The following PCDHGA1 variants were observed in gnomAD, a reference collection of about 807,000 sequenced individuals.
The protein encoded by PCDHGA1 is protocadherin gamma-A1.
In PCDHGA1, 32 loss-of-function variants were observed where a neutral mutation model predicts 58.0. The ratio of observed to expected loss-of-function variants is 0.55; its 90% CI spans 0.42 to 0.74. PCDHGA1 has a LOEUF of 0.74. Among genes scored for constraint, PCDHGA1 ranks in the 30% least tolerant of loss-of-function variants. The pLI is 0.00. For synonymous variants in PCDHGA1, 498 were observed against 501.1 expected, an observed-to-expected ratio of 0.99 and a Z score of 0.08; for missense variants, 1,205 against 1,182.3, an observed-to-expected ratio of 1.02 and a Z score of -0.28.
In PCDHGA1 at chr5:141,395,432, G is replaced by A. The variant is rs963118371; in HGVS notation, c.2421+62327G>A. ...GTTATTGTTTCATTTGCTTTTAAAC[G>A]ACTTGGAAAAGATTGTTCAACCATT... On this transcript the variant is annotated intron_variant, in intron 1 of 3. Coordinates refer to ENST00000517417, the MANE Select transcript of PCDHGA1 (RefSeq NM_018912.3). The A allele has an allele frequency of 8.6e-6, 6 of 701,470 alleles. No homozygotes were observed. In the African/African-American group the frequency reaches 9.1e-5, roughly 11 times the overall value. The allele number at this position is 701,470 out of a possible 1,614,324, so 43.5% of individuals were successfully genotyped here. A position where few individuals can be genotyped will look rare whatever the true frequency, so the allele number is the denominator to read the frequency against.
chr5:141,413,372 G>T lies in PCDHGA1; in HGVS notation c.2421+80267G>T, dbSNP rs760934804. ...CTGGCGCCCCGGGAGCTGGCGGAGCGCGGAGTCCGCATAGTCTCCAGAGGT... is the reference window on the plus strand; with the variant it reads ...CTGGCGCCCCGGGAGCTGGCGGAGCTCGGAGTCCGCATAGTCTCCAGAGGT... On this transcript the variant is annotated intron_variant, in intron 1 of 3. Transcript: ENST00000517417. The T allele has an allele frequency of 1.9e-6, 3 of 1,613,950 alleles. No individual in the cohort carries two copies. The South Asian group carries it at 3.3e-5, about 18-fold the overall frequency.
chr5:141,441,865 G>T, intron 1 of PCDHGA1: 1 of 345,726 alleles, frequency 2.9e-6, no homozygotes. Context: ...GCACGCCGCG[G>T]AGCCTGGCTA....
Position 141,487,650 on chromosome 5 carries a change from G to A in PCDHGA1, c.2422-7157G>A. On this transcript the variant is annotated intron_variant, in intron 1 of 3. Transcript: ENST00000517417. The surrounding 1 kb of genome is among the most constrained non-coding windows in gnomAD (Gnocchi z 5.0). ...TTGCAGGCTCAACAAATGCTTGAGGGTTATTCTGATCCAGGCATATGGCTA... is the reference window on the plus strand; with the variant it reads ...TTGCAGGCTCAACAAATGCTTGAGGATTATTCTGATCCAGGCATATGGCTA... 1 of 1,613,994 alleles carries A rather than the reference G, an allele frequency of 6.2e-7. No individual in the cohort carries two copies. Among genetic ancestry groups the A allele is most frequent in the Non-Finnish European group, 8.5e-7 (1 of 1,179,954 alleles).
At chr5:141,345,020 A>C (rs1047192133) in intron 1 of PCDHGA1, 2 of 1,613,994 alleles carry the variant, frequency 1.2e-6, no homozygotes, top group Admixed American at 3.3e-5. Flanking sequence ...GTCTTCTTTC[A>C]AGAGCCAAGA....
chr5:141,333,091 G>C lies in PCDHGA1; in HGVS notation c.2407G>C (p.Glu803Gln). 6.2e-7 allele frequency: 1 copy of C among 1,614,180 alleles called. No homozygotes were observed. The change falls in exon 1 of 4, where the codon GAA becomes CAA. Residue 803 changes from glutamate (E) to glutamine (Q), a missense_variant. By Grantham distance (29) the Glu-to-Gln change is conservative. Coordinates refer to ENST00000517417, the MANE Select transcript of PCDHGA1 (RefSeq NM_018912.3). ...APQSLLEDKK[E>Q]PFSQQAPPNT... Reference sequence around the variant, plus strand: ...CCAGTCTTTACTTGAAGACAAAAAGGAACCATTTTCTCAGGTAAACTTTTG... The same window carrying C: ...CCAGTCTTTACTTGAAGACAAAAAGCAACCATTTTCTCAGGTAAACTTTTG...
chr5:141,477,245 A>G lies in PCDHGA1; in HGVS notation c.2422-17562A>G. On this transcript the variant is annotated intron_variant, in intron 1 of 3. Transcript: ENST00000517417. The surrounding 1 kb of genome is among the most constrained non-coding windows in gnomAD (Gnocchi z 4.9). ...GACTGTCATCGCTTTGCTCAGTGTG[A>G]CTGACCTGGATGCTGGCGAGAACGG... 3.7e-6 allele frequency: 6 copies of G among 1,614,128 alleles called. No homozygotes were observed. The highest frequency in any genetic ancestry group is 5.1e-6 in the Non-Finnish European group (6 of 1,180,026).
At chr5:141,371,984 C>G (rs761389914) in intron 1 of PCDHGA1, 4 of 1,613,266 alleles carry the variant, frequency 2.5e-6, no homozygotes, top group Non-Finnish European at 2.5e-6. Context: ...CCTTCGAGCT[C>G]ACTCTGCAGG....
In PCDHGA1 at chr5:141,491,492, T is replaced by G. The variant is rs763487622; in HGVS notation, c.2422-3315T>G. On this transcript the variant is annotated intron_variant, in intron 1 of 3. Coordinates refer to ENST00000517417, the MANE Select transcript of PCDHGA1 (RefSeq NM_018912.3). This position sits in a 1 kb window ranked among gnomAD's most constrained non-coding sequence, Gnocchi z 6.9. ...AAGCAGTCCAGCCCCAACCTGCAGG[T>G]GAGCTCGGACGGCACGCTCAAGTAC... 3.1e-6 allele frequency: 5 copies of G among 1,614,024 alleles called. No homozygotes were observed. The highest frequency in any genetic ancestry group is 3.4e-6 in the Non-Finnish European group (4 of 1,180,006).
intron 1 of PCDHGA1, chr5:141,428,413 C>A: frequency 2.2e-6 from 1 of 461,904 alleles, no homozygotes; most frequent in Non-Finnish European, 4.0e-6. Context: ...TTGCTTTCAC[C>A]CTGGTCTCTG....
At chr5:141,394,884 C>T (rs2093119839) in intron 1 of PCDHGA1, 2 of 1,613,902 alleles carry the variant, frequency 1.2e-6, no homozygotes, top group Non-Finnish European at 1.7e-6. Flanking sequence ...GAGCCTTACA[C>T]TCTATCTCGT....
intron 1 of PCDHGA1, among the ~76,000 whole-genome samples, chr5:141,443,592 G>A (rs2098395439): frequency 6.6e-6 from 1 of 152,076 alleles, no homozygotes; most frequent in Admixed American, 6.6e-5. Context: ...AACAGAATGT[G>A]GTATATGAAA....
chr5:141,383,417 G>T lies in PCDHGA1; in HGVS notation c.2421+50312G>T. The T allele has an allele frequency of 1.9e-6, 3 of 1,614,014 alleles. No homozygotes were observed. In the South Asian group the frequency reaches 3.3e-5, roughly 18 times the overall value. On this transcript the variant is annotated intron_variant, in intron 1 of 3. Transcript: ENST00000517417. ...AACTCCCTCCAGAGTTACCAGCTCA[G>T]CCCCAATCGCCACTTCTCCCTGGCT...
At position 141,465,659 on chromosome 5, in the gene PCDHGA1, T is replaced by C. The variant is rs184749770; in HGVS notation, c.2422-29148T>C. Among the ~76,000 whole-genome samples the C allele has an allele frequency of 3.5e-4, 53 of 152,318 alleles. 1 individual carries two copies. Among genetic ancestry groups the C allele is most frequent in the African/African-American group, 1.2e-3 (50 of 41,576 alleles). ...TGCTTTGAACATCCCAAAAAAGCGC[T>C]TGCCATGACATTTGCTCTTGACCAG... On this transcript the variant is annotated intron_variant, in intron 1 of 3. Transcript: ENST00000517417.
chr5:141,345,156 G>A (rs769280964), intron 1 of PCDHGA1: 182 of 1,613,910 alleles, frequency 1.1e-4, no homozygotes, highest in Admixed American at 1.7e-4. Flanking sequence ...GCATGACCGA[G>A]ATTCTGGGCA....
chr5:141,375,647 T>C (rs1265306389), intron 1 of PCDHGA1: 2 of 1,614,038 alleles, frequency 1.2e-6, no homozygotes. Flanking sequence ...CTCCTTCGAC[T>C]ATGAGCAGTT....
intron 1 of PCDHGA1, chr5:141,405,545 A>G (rs952875482): frequency 1.6e-6 from 1 of 631,162 alleles, no homozygotes; most frequent in South Asian, 2.0e-5. Flanking sequence ...TCAGCCTCCC[A>G]AGTAGAGTAG....
intron 1 of PCDHGA1, chr5:141,355,914 T>C: frequency 1.9e-6 from 3 of 1,613,820 alleles, no homozygotes; most frequent in South Asian, 1.1e-5. Flanking sequence ...CCAACGATAA[T>C]GCTCCCGTGT....
chr5:141,433,514 G>C (rs1330494451), intron 1 of PCDHGA1, among the ~76,000 whole-genome samples: 1 of 152,016 alleles, frequency 6.6e-6, no homozygotes, highest in East Asian at 1.9e-4. Context: ...GATTACAGGC[G>C]TGAACCACAG....
At chr5:141,415,288 T>C in intron 1 of PCDHGA1, 6 of 1,614,202 alleles carry the variant, frequency 3.7e-6, no homozygotes, top group Non-Finnish European at 5.1e-6. Flanking sequence ...GGCCGCGGTC[T>C]CCTGCGTCTT....
Sources: gnomAD v4.1 joint callset for allele counts (sites outside exome capture counted in the v4.1 genomes callset) on GRCh38, gnomAD v4.1.1 for gene constraint, Gnocchi (gnomAD v3.1) non-coding constraint, MANE v1.5 for transcripts, NCBI Gene and HGNC (gene_info 2026-07-23, HGNC 2026-07-21) for gene names.